Variants in NEGR1 observed in about 807,000 individuals in gnomAD.
The protein encoded by NEGR1 is neuronal growth regulator 1.
A neutral mutation model predicts 40.9 loss-of-function variants in NEGR1; 10 were observed. The ratio of observed to expected loss-of-function variants is 0.24; its 90% CI spans 0.15 to 0.42. The LOEUF (loss-of-function observed/expected upper bound fraction) is 0.42. Among genes scored for constraint, NEGR1 ranks in the 10% least tolerant of loss-of-function variants. The pLI, the probability that NEGR1 is intolerant of heterozygous loss-of-function variation, is 1.00. For missense variants in NEGR1, 352 were observed against 438.9 expected, an observed-to-expected ratio of 0.80 and a Z score of 1.77; for synonymous variants, 185 against 166.8, an observed-to-expected ratio of 1.11 and a Z score of -0.84.
intron 3 of NEGR1, among the ~76,000 whole-genome samples, chr1:71,752,605 A>G (rs902372329): frequency 1.3e-5 from 2 of 152,096 alleles, no homozygotes; most frequent in African/African-American, 2.4e-5. Flanking sequence ...TAATGGTGAG[A>G]GCAGATGGCA....
At chr1:71,870,475 A>G (rs973593075) in intron 2 of NEGR1, among the ~76,000 whole-genome samples, 3 of 152,160 alleles carry the variant, frequency 2.0e-5, no homozygotes, top group African/African-American at 7.2e-5. Flanking sequence ...TGCTCAAAGA[A>G]AAACATCTTA....
In NEGR1 at chr1:72,211,615, T is replaced by C. The variant is rs539829287; in HGVS notation, c.176+70704A>G. Among the ~76,000 whole-genome samples the C allele has an allele frequency of 1.6e-3, 246 of 150,484 alleles. 1 individual carries two copies. The highest frequency in any genetic ancestry group is 2.4e-3 in the Non-Finnish European group (163 of 67,558). On this transcript the variant is annotated intron_variant, in intron 1 of 6. Coordinates refer to ENST00000357731, the MANE Select transcript of NEGR1 (RefSeq NM_173808.3). ...TGGCATTCATTTTATTTTAAATATA[T>C]ATATTATTTTTATTATACATTAATA...
rs151031537 is a variant in NEGR1, at chr1:71,762,633, T to G, written c.535+13539A>C. On this transcript the variant is annotated intron_variant, in intron 3 of 6. Coordinates refer to ENST00000357731, the MANE Select transcript of NEGR1 (RefSeq NM_173808.3). ...GCAATAAAAAAGAATGAACTTGATA[T>G]ATACTATAACTGGGAAAGATCTCAA... Among the ~76,000 whole-genome samples the G allele has an allele frequency of 3.1e-3, 471 of 152,248 alleles. 14 individuals are homozygous for G. The South Asian group carries it at 0.058, about 19-fold the overall frequency.
At position 71,436,171 on chromosome 1, in the gene NEGR1, T is replaced by G. The variant is rs141477387; in HGVS notation, c.941-28601A>C. ...ACAGTGTCCAGATGTTGTACATGAA[T>G]TCACAGGACTTACAACAGAGGCAAT... On this transcript the variant is annotated intron_variant, in intron 6 of 6. Transcript: ENST00000357731. Among the ~76,000 whole-genome samples the G allele has an allele frequency of 1.4e-3, 214 of 151,612 alleles. 1 individual carries two copies. The highest frequency in any genetic ancestry group is 4.9e-3 in the African/African-American group (202 of 41,214).
chr1:72,272,984 AT>A (rs1275876120), intron 1 of NEGR1, among the ~76,000 whole-genome samples: 9 of 152,076 alleles, frequency 5.9e-5, no homozygotes, highest in African/African-American at 1.9e-4. Context: ...TAAGAGACCA[AT>A]TCCCATGCCA....
intron 4 of NEGR1, among the ~76,000 whole-genome samples, chr1:71,665,717 T>C (rs1159289085): frequency 6.6e-6 from 1 of 152,196 alleles, no homozygotes; most frequent in East Asian, 1.9e-4. Flanking sequence ...CCTCTTTTCA[T>C]ACAGTGGAGC....
At chr1:71,873,369 A>G (rs1360518787) in intron 2 of NEGR1, among the ~76,000 whole-genome samples, 1 of 152,026 alleles carries the variant, frequency 6.6e-6, no homozygotes, top group Non-Finnish European at 1.5e-5. Flanking sequence ...AAAATGTTTA[A>G]AAGGAGAAAT....
intron 1 of NEGR1, among the ~76,000 whole-genome samples, chr1:72,232,926 G>A (rs914323243): frequency 6.6e-6 from 1 of 152,118 alleles, no homozygotes; most frequent in Non-Finnish European, 1.5e-5. Context: ...AAAGTAAACG[G>A]AAAGATGTAC....
intron 1 of NEGR1, among the ~76,000 whole-genome samples, chr1:72,030,090 T>G (rs1241051753): frequency 6.6e-6 from 1 of 151,804 alleles, no homozygotes; most frequent in East Asian, 1.9e-4. Flanking sequence ...CCAGCCCTCA[T>G]GTAGTTGCAG....
chr1:71,479,467 C>A (rs1476592064), intron 6 of NEGR1, among the ~76,000 whole-genome samples: 1 of 151,928 alleles, frequency 6.6e-6, no homozygotes, highest in African/African-American at 2.4e-5. Flanking sequence ...AGAAAAAAGT[C>A]ATTATAAAAG....
intron 1 of NEGR1, among the ~76,000 whole-genome samples, chr1:72,210,132 G>A (rs1470556125): frequency 6.6e-6 from 1 of 151,750 alleles, no homozygotes; most frequent in East Asian, 1.9e-4. Context: ...ACATCTAGGG[G>A]TCTCTGAATT....
At chr1:71,673,481 T>A (rs1319969395) in intron 4 of NEGR1, among the ~76,000 whole-genome samples, 2 of 151,856 alleles carry the variant, frequency 1.3e-5, no homozygotes, top group African/African-American at 4.8e-5. Flanking sequence ...GCTTATGATT[T>A]AATATAAGAG....
intron 1 of NEGR1, among the ~76,000 whole-genome samples, chr1:72,158,925 A>G (rs549855694): frequency 6.6e-6 from 1 of 152,322 alleles, no homozygotes; most frequent in African/African-American, 2.4e-5. Flanking sequence ...GATAAAGATC[A>G]GACCTAAGAT....
chr1:71,461,910 G>A (rs1646716956), intron 6 of NEGR1: 1 of 152,132 alleles, frequency 6.6e-6, no homozygotes. Flanking sequence ...AGTCCATGAG[G>A]AAATGGGATC....
intron 6 of NEGR1, among the ~76,000 whole-genome samples, chr1:71,502,139 C>T (rs531498918): frequency 5.9e-5 from 9 of 152,130 alleles, no homozygotes; most frequent in African/African-American, 1.2e-4. Flanking sequence ...ACCCGGCAAA[C>T]GTAACAAACT....
intron 1 of NEGR1, among the ~76,000 whole-genome samples, chr1:72,077,615 C>T (rs947926616): frequency 8.0e-5 from 12 of 150,058 alleles, no homozygotes; most frequent in Admixed American, 6.6e-4. Flanking sequence ...CACACTGAAA[C>T]TCTGTCTCTA....
intron 6 of NEGR1, among the ~76,000 whole-genome samples, chr1:71,425,575 C>T (rs2101285707): frequency 6.6e-6 from 1 of 152,176 alleles, no homozygotes; most frequent in Non-Finnish European, 1.5e-5. Flanking sequence ...TGAGATAATA[C>T]ATACATATAT....
intron 1 of NEGR1, among the ~76,000 whole-genome samples, chr1:72,096,510 T>C (rs1648702231): frequency 6.6e-6 from 1 of 151,884 alleles, no homozygotes; most frequent in Non-Finnish European, 1.5e-5. Context: ...AAATATACTT[T>C]TGTATATAGA....
chr1:71,522,682 A>G (rs941024773), intron 6 of NEGR1, among the ~76,000 whole-genome samples: 1 of 151,244 alleles, frequency 6.6e-6, no homozygotes, highest in Non-Finnish European at 1.5e-5. Flanking sequence ...ATGAATTGTA[A>G]AATGGGTAGA....
Sources: allele counts gnomAD v4.1 joint callset (sites outside exome capture counted in the v4.1 genomes callset), GRCh38; gene constraint gnomAD v4.1.1; transcripts MANE v1.5; gene names NCBI Gene and HGNC (gene_info 2026-07-23, HGNC 2026-07-21).